Variants in SNX6 observed in about 807,000 individuals in gnomAD.
The protein encoded by SNX6 is sorting nexin-6.
SNX6 carries 34 observed loss-of-function variants against 63.0 expected under a neutral mutation model. That is an observed-to-expected ratio of 0.54 (90% CI 0.41 to 0.72). The LOEUF is 0.72. Among genes scored for constraint, SNX6 ranks in the 30% least tolerant of loss-of-function variants. The probability of loss-of-function intolerance (pLI) is 0.00; values close to 1 mark genes in which losing one functional copy is unlikely to be tolerated. For missense variants in SNX6, 398 were observed against 471.4 expected (o/e 0.84, Z 1.44); for synonymous variants, 170 against 164.2 (o/e 1.04, Z -0.27).
chr14:34,611,750 A>AC (rs1441595438), intron 2 of SNX6, among the ~76,000 whole-genome samples: 1 of 146,492 alleles, frequency 6.8e-6, no homozygotes, highest in Non-Finnish European at 1.5e-5. Flanking sequence ...CACTGTCTCA[A>AC]AAAAAAAAAA....
At chr14:34,619,076 A>T (rs1594749515) in intron 2 of SNX6, among the ~76,000 whole-genome samples, 1 of 152,312 alleles carries the variant, frequency 6.6e-6, no homozygotes, top group Admixed American at 6.5e-5. Flanking sequence ...ACTGGGCTAC[A>T]AAACTATTTT....
At chr14:34,573,899 T>A (rs1413809217) in intron 11 of SNX6, among the ~76,000 whole-genome samples, 1 of 151,686 alleles carries the variant, frequency 6.6e-6, no homozygotes, top group African/African-American at 2.4e-5. Flanking sequence ...CCTCAGCCTC[T>A]CAAAGTGCTG....
chr14:34,603,003 C>A (rs1186446547), intron 6 of SNX6, among the ~76,000 whole-genome samples: 2 of 144,014 alleles, frequency 1.4e-5, no homozygotes, highest in East Asian at 2.1e-4. Flanking sequence ...TTGGGCTGGG[C>A]GCTATGGCTC....
At chr14:34,600,177 T>C (rs1882754661) in intron 6 of SNX6, among the ~76,000 whole-genome samples, 1 of 152,198 alleles carries the variant, frequency 6.6e-6, no homozygotes, top group African/African-American at 2.4e-5. Context: ...CTGTCACCCA[T>C]GCTGTGGCAC....
At chr14:34,569,146 T>G (rs1785119362) in intron 11 of SNX6, 1 of 798,670 alleles carries the variant, frequency 1.3e-6, no homozygotes, top group African/African-American at 1.7e-5. Context: ...GCCCGGCCTG[T>G]GCACTGCCAG....
intron 2 of SNX6, among the ~76,000 whole-genome samples, chr14:34,610,978 C>CGTGT (rs202152885): frequency 6.6e-6 from 1 of 151,160 alleles, no homozygotes; most frequent in African/African-American, 2.4e-5. Flanking sequence ...AATATATATA[C>CGTGT]GTGTGTGTGT....
At chr14:34,576,557 T>A (rs1315607440) in intron 10 of SNX6, among the ~76,000 whole-genome samples, 1 of 151,676 alleles carries the variant, frequency 6.6e-6, no homozygotes. Flanking sequence ...CAAGCAATTC[T>A]CCTGCCGCAG....
At chr14:34,604,779 G>T (rs1400888966) in intron 5 of SNX6, among the ~76,000 whole-genome samples, 1 of 151,614 alleles carries the variant, frequency 6.6e-6, no homozygotes, top group Non-Finnish European at 1.5e-5. Flanking sequence ...AAGACATGAT[G>T]CTCAAAGGAA....
chr14:34,597,948 A>G (rs1882666133), intron 6 of SNX6, among the ~76,000 whole-genome samples: 2 of 152,150 alleles, frequency 1.3e-5, no homozygotes, highest in Admixed American at 1.3e-4. Flanking sequence ...CTCTCACCAT[A>G]TTTTGTCAAA....
At chr14:34,627,274 G>A (rs987095568) in intron 2 of SNX6, among the ~76,000 whole-genome samples, 2 of 151,952 alleles carry the variant, frequency 1.3e-5, no homozygotes, top group Non-Finnish European at 2.9e-5. Flanking sequence ...GTGAAACCCC[G>A]TCTCTACTAA....
intron 2 of SNX6, among the ~76,000 whole-genome samples, chr14:34,622,888 G>A (rs1300170985): frequency 6.6e-6 from 1 of 152,206 alleles, no homozygotes; most frequent in East Asian, 1.9e-4. Flanking sequence ...ATAACAGTAG[G>A]TGTATTTCAT....
At chr14:34,581,453 TA>T (rs1881931280) in intron 10 of SNX6, 107 bp downstream of exon 10, 1 of 607,230 alleles carries the variant, frequency 1.6e-6, no homozygotes, top group African/African-American at 1.8e-5. Flanking sequence ...GCCTGGCCAA[TA>T]GTGATCACTC....
intron 2 of SNX6, among the ~76,000 whole-genome samples, chr14:34,618,366 G>GA (rs1018844967): frequency 1.3e-5 from 2 of 151,716 alleles, no homozygotes; most frequent in South Asian, 2.1e-4. Context: ...TTTTGGGGAG[G>GA]GGGGGATGGA....
chr14:34,629,226 T>C (rs1408646555), intron 2 of SNX6, among the ~76,000 whole-genome samples: 1 of 152,118 alleles, frequency 6.6e-6, no homozygotes, highest in Non-Finnish European at 1.5e-5. Context: ...TATTAAAATA[T>C]AATGTATACC....
rs1184516877 is a variant in SNX6, at chr14:34,627,425, G to GAA, written c.54+2481_54+2482insTT. Among the ~76,000 whole-genome samples, 481 of 151,964 alleles carry GAA rather than the reference G, an allele frequency of 3.2e-3. 2 individuals are homozygous for GAA. Among genetic ancestry groups the GAA allele is most frequent in the African/African-American group, 0.011 (468 of 41,428 alleles). ...TAGCACCACTGCAGTCGGGCCTTCG[G>GAA]CCTGGGCGAAAGAGCGAGACTCCGT... is the stretch of plus-strand genomic sequence containing the variant. On this transcript the variant is annotated intron_variant, in intron 2 of 13. Transcript: ENST00000362031.
At chr14:34,572,556 A>C (rs901421986) in intron 11 of SNX6, among the ~76,000 whole-genome samples, 3 of 152,212 alleles carry the variant, frequency 2.0e-5, no homozygotes, top group African/African-American at 7.2e-5. Context: ...TTTAATAAAA[A>C]TTATCAGCAT....
chr14:34,614,487 A>G (rs926208163), intron 2 of SNX6, among the ~76,000 whole-genome samples: 5 of 151,996 alleles, frequency 3.3e-5, no homozygotes, highest in Non-Finnish European at 7.4e-5. Flanking sequence ...TCCCAGGCCT[A>G]TCAAAACAGG....
intron 2 of SNX6, among the ~76,000 whole-genome samples, chr14:34,620,475 T>C (rs368522800): frequency 6.6e-6 from 1 of 152,050 alleles, no homozygotes; most frequent in Non-Finnish European, 1.5e-5. Flanking sequence ...AGCAAGACTA[T>C]GTCAAAAAAC....
intron 11 of SNX6, 129 bp from the exon 12 acceptor site, chr14:34,568,142 CA>C: frequency 9.3e-5 from 57 of 614,424 alleles, no homozygotes; most frequent in South Asian, 3.0e-4. Context: ...CCAGTTACTC[CA>C]ATTTTTTTTT....
Sources: allele counts gnomAD v4.1 joint callset (sites outside exome capture counted in the v4.1 genomes callset), GRCh38; gene constraint gnomAD v4.1.1; transcripts MANE v1.5; gene names NCBI Gene and HGNC (gene_info 2026-07-23, HGNC 2026-07-21).